Variants in GJA5 observed in about 807,000 individuals in gnomAD.
The protein encoded by GJA5 is gap junction protein alpha 5.
In GJA5, 3 loss-of-function variants were observed where a neutral mutation model predicts 7.9. The observed-to-expected ratio is 0.38, with a 90% CI of 0.17 to 0.99. The LOEUF (loss-of-function observed/expected upper bound fraction) is 0.99, where lower values mean the gene tolerates loss of function less well. Among genes scored for constraint, GJA5 ranks in the 50% least tolerant of loss-of-function variants. GJA5 has a pLI of 0.38. For missense variants in GJA5, 390 were observed against 457.9 expected (o/e 0.85, Z 1.35); for synonymous variants, 193 against 181.0 (o/e 1.07, Z -0.53).
At chr1:147,767,420 C>T (rs141587881) in intron 1 of GJA5, among the ~76,000 whole-genome samples, 1 of 151,176 alleles carries the variant, frequency 6.6e-6, no homozygotes, top group East Asian at 1.9e-4. Flanking sequence ...CAGGGTCTCA[C>T]TTTGTCACCC....
rs1663794029 is a variant in GJA5, at chr1:147,757,720, G to A, written c.*442C>T. 1 of 214,404 alleles carries A rather than the reference G, an allele frequency of 4.7e-6. No homozygotes were observed. The highest frequency in any genetic ancestry group is 2.3e-5 in the African/African-American group (1 of 43,706). 13.3% of individuals were successfully genotyped at this position (214,404 alleles called of 1,614,324 possible). On this transcript the variant is annotated 3_prime_UTR_variant, in exon 2 of 2. Coordinates refer to ENST00000579774, the MANE Select transcript of GJA5 (RefSeq NM_181703.4). ...TAATGCAAGTTCCTTGATTCATGCT[G>A]TCTATTGGCTGGGAACTTTGAGCTC...
At chr1:147,764,749 G>A (rs186221084), upstream of GJA5, among the ~76,000 whole-genome samples, 1,271 of 151,656 alleles carry the variant, frequency 8.4e-3, 3 homozygotes, top group Non-Finnish European at 0.014. Context: ...GCTTGAATCC[G>A]GGCGGTGGAG....
intron 1 of GJA5, 123 bp downstream of exon 1, chr1:147,760,376 C>T (rs1663955097): frequency 1.3e-5 from 2 of 152,418 alleles, no homozygotes; most frequent in Admixed American, 6.5e-5. Flanking sequence ...CTACATGTCC[C>T]CTCACCCCTA....
chr1:147,768,827 C>T (rs1553228603), intron 1 of GJA5, among the ~76,000 whole-genome samples: 2 of 152,150 alleles, frequency 1.3e-5, no homozygotes, highest in Non-Finnish European at 2.9e-5. Flanking sequence ...GTACTAAGTG[C>T]CACAACTGGC....
upstream of GJA5, among the ~76,000 whole-genome samples, chr1:147,762,874 T>C (rs924316157): frequency 2.0e-5 from 3 of 152,204 alleles, no homozygotes; most frequent in African/African-American, 7.2e-5. Context: ...TGTAGATTAT[T>C]ATCTGCTTCT....
At chr1:147,763,649 A>T (rs1227009257), upstream of GJA5, among the ~76,000 whole-genome samples, 1 of 152,174 alleles carries the variant, frequency 6.6e-6, no homozygotes, top group Non-Finnish European at 1.5e-5. Flanking sequence ...GCCACTAGGA[A>T]ACTTGTTTGG....
chr1:147,767,096 C>T (rs1217366841), intron 1 of GJA5, among the ~76,000 whole-genome samples: 2 of 152,172 alleles, frequency 1.3e-5, no homozygotes, highest in African/African-American at 2.4e-5. Flanking sequence ...CTGATTTCCT[C>T]TCACCCCAAT....
rs782703462 is a variant in GJA5, at chr1:147,758,262, C to G, written c.977G>C (p.Gly326Ala). The G allele has an allele frequency of 4.3e-6, 7 of 1,613,992 alleles. No homozygotes were observed. Among genetic ancestry groups the G allele is most frequent in the African/African-American group, 1.3e-5 (1 of 74,898 alleles). The change falls in exon 2 of 2, where the codon GGA becomes GCA. Residue 326 changes from glycine to alanine, a missense_variant. Gly to Ala is a moderately conservative substitution (Grantham distance 60). This residue lies in a region of GJA5 where 354 missense variants were observed against 370.9 expected (regional missense o/e 0.95). Coordinates refer to ENST00000579774, the MANE Select transcript of GJA5 (RefSeq NM_181703.4). Reference protein sequence around the residue: ...RYGQKPEVPNGVSPGHRLPHG... With the variant: ...RYGQKPEVPNAVSPGHRLPHG... ...GGGAAGGCGGTGACCTGGTGAGACT[C>G]CATTGGGCACCTCAGGCTTCTGGCC...
rs1429261559 is a variant in GJA5, at chr1:147,756,379, G to T, written c.*1783C>A. 1 of 152,178 alleles carries T rather than the reference G, an allele frequency of 6.6e-6. No individual in the cohort carries two copies. Among genetic ancestry groups the T allele is most frequent in the Non-Finnish European group, 1.5e-5 (1 of 68,014 alleles). The allele number at this position is 152,178 out of a possible 1,614,324, so 9.4% of individuals were successfully genotyped here. Reference sequence around the variant, plus strand: ...AATGCTAGGCAATAGATTAAAAGGTGTCCCCTCCAGGGACCCGGGATGATC... The same window carrying T: ...AATGCTAGGCAATAGATTAAAAGGTTTCCCCTCCAGGGACCCGGGATGATC... On this transcript the variant is annotated 3_prime_UTR_variant, in exon 2 of 2. Transcript: ENST00000579774.
At chr1:147,764,125 G>A (rs189760824), upstream of GJA5, among the ~76,000 whole-genome samples, 734 of 152,030 alleles carry the variant, frequency 4.8e-3, 1 homozygote, top group Non-Finnish European at 8.3e-3. Context: ...GCTCCTTCTC[G>A]TGGTCCCCCT....
Position 147,758,331 on chromosome 1 carries a change from C to T in GJA5, c.908G>A (p.Gly303Asp). Reference protein sequence around the residue: ...TDNLVTEQVRGQEQTPGEGFI... With the variant: ...TDNLVTEQVRDQEQTPGEGFI... Reference sequence around the variant, plus strand: ...ACCTTCCCCAGGAGTCTGCTCCTGACCTCGTACTTGCTCGGTGACCAGGTT... The same window carrying T: ...ACCTTCCCCAGGAGTCTGCTCCTGATCTCGTACTTGCTCGGTGACCAGGTT... The change falls in exon 2 of 2, where the codon GGT becomes GAT. Residue 303 changes from glycine (G) to aspartate (D), a missense_variant. Gly to Asp is a moderately conservative substitution (Grantham distance 94). Coordinates refer to ENST00000579774, the MANE Select transcript of GJA5 (RefSeq NM_181703.4). 6.2e-7 allele frequency: 1 copy of T among 1,614,172 alleles called. No individual in the cohort carries two copies. The highest frequency in any genetic ancestry group is 8.5e-7 in the Non-Finnish European group (1 of 1,180,018).
rs1553227041 is a variant in GJA5, at chr1:147,758,921, G to A, written c.318C>T (p.Arg106=). ...TGGCCCTCTCGGCCTCCCGTAGCTT[G>A]CGCTTCTCCTGCATGCGCACAGTGT... ...AMHTVRMQEK[R]KLREAERAKE... Residue 106 remains arginine, a synonymous_variant, in exon 2 of 2, where the codon CGC becomes CGT. Transcript: ENST00000579774. 2 of 1,614,236 alleles carry A rather than the reference G, an allele frequency of 1.2e-6. No homozygotes were observed. Among genetic ancestry groups the A allele is most frequent in the Non-Finnish European group, 1.7e-6 (2 of 1,180,038 alleles).
In GJA5 at chr1:147,756,447, C is replaced by G. The variant is rs1389333468; in HGVS notation, c.*1715G>C. On this transcript the variant is annotated 3_prime_UTR_variant, in exon 2 of 2. Coordinates refer to ENST00000579774, the MANE Select transcript of GJA5 (RefSeq NM_181703.4). Reference sequence around the variant, plus strand: ...TGGCATCCTAGTCACTTTCCTCCACCTCTCCACTCTCATTTATCTTTCCAC... The same window carrying G: ...TGGCATCCTAGTCACTTTCCTCCACGTCTCCACTCTCATTTATCTTTCCAC... The G allele has an allele frequency of 6.6e-6, 1 of 152,218 alleles. No homozygotes were observed. The highest frequency in any genetic ancestry group is 1.9e-4 in the East Asian group (1 of 5,192). The allele number at this position is 152,218 out of a possible 1,614,324, so 9.4% of individuals were successfully genotyped here.
At chr1:147,772,143 G>A (rs1231115391) in intron 1 of GJA5, among the ~76,000 whole-genome samples, 2 of 152,026 alleles carry the variant, frequency 1.3e-5, no homozygotes, top group Non-Finnish European at 1.5e-5. Context: ...CTCCCTGTTC[G>A]GTGCTCTTTG....
intron 1 of GJA5, among the ~76,000 whole-genome samples, chr1:147,772,636 C>T (rs1438646757): frequency 6.6e-6 from 1 of 152,168 alleles, no homozygotes; most frequent in Non-Finnish European, 1.5e-5. Context: ...TGGGTGCTTT[C>T]CTGGCCTTCC....
intron 1 of GJA5, among the ~76,000 whole-genome samples, chr1:147,766,319 G>C (rs1293823673): frequency 2.0e-5 from 3 of 152,080 alleles, no homozygotes; most frequent in African/African-American, 7.2e-5. Flanking sequence ...AACAACGATG[G>C]ATGAATTGAT....
chr1:147,766,155 A>G (rs1418953361), intron 1 of GJA5, among the ~76,000 whole-genome samples: 9 of 152,120 alleles, frequency 5.9e-5, no homozygotes, highest in Admixed American at 3.9e-4. Flanking sequence ...GTTGCTCTAC[A>G]GGCCATGTAT....
At chr1:147,771,647 A>G (rs1196126613) in intron 1 of GJA5, among the ~76,000 whole-genome samples, 2 of 152,216 alleles carry the variant, frequency 1.3e-5, no homozygotes, top group Admixed American at 1.3e-4. Context: ...AAAGCAGGGC[A>G]GCCTGATTCT....
At chr1:147,764,989 G>A (rs1296528838), upstream of GJA5, among the ~76,000 whole-genome samples, 12 of 152,072 alleles carry the variant, frequency 7.9e-5, no homozygotes, top group Admixed American at 3.3e-4. Context: ...CACAATAAAT[G>A]CTTTCTTAAT....
Sources: gnomAD v4.1 joint callset for allele counts (sites outside exome capture counted in the v4.1 genomes callset) on GRCh38, gnomAD v4.1.1 for gene constraint, gnomAD v4.1.1 regional missense constraint, MANE v1.5 for transcripts, NCBI Gene and HGNC (gene_info 2026-07-23, HGNC 2026-07-21) for gene names.